Variants in PDS5B observed in about 807,000 individuals in gnomAD.
PDS5B encodes the protein PDS5 cohesin associated factor B, also known as sister chromatid cohesion protein PDS5 homolog B.
A neutral mutation model predicts 184.1 loss-of-function variants in PDS5B; 51 were observed. That is an observed-to-expected ratio of 0.28 (90% CI 0.22 to 0.35). PDS5B has a LOEUF of 0.35. PDS5B is among the 10% of genes least tolerant of loss of function. The pLI is 1.00. For missense variants in PDS5B, 1,180 were observed against 1,723.3 expected, an observed-to-expected ratio of 0.68 and a Z score of 5.58; for synonymous variants, 566 against 569.2, an observed-to-expected ratio of 0.99 and a Z score of 0.08.
intron 5 of PDS5B, 90 bp from the exon 6 acceptor site, chr13:32,659,064 T>C: frequency 1.2e-6 from 1 of 842,066 alleles, no homozygotes; most frequent in Non-Finnish European, 1.7e-6. Context: ...AGTATTATTT[T>C]TGTAAAGCAT....
chr13:32,711,290 G>A (rs971135275), intron 19 of PDS5B, among the ~76,000 whole-genome samples: 4 of 149,014 alleles, frequency 2.7e-5, no homozygotes, highest in African/African-American at 7.4e-5. Context: ...GTGCCTGGCC[G>A]GCAATTATTT....
intron 18 of PDS5B, among the ~76,000 whole-genome samples, chr13:32,709,469 A>G (rs532234131): frequency 6.6e-6 from 1 of 152,074 alleles, no homozygotes; most frequent in African/African-American, 2.4e-5. Context: ...TTTCTGTTTC[A>G]TGATTATTCT....
intron 1 of PDS5B, among the ~76,000 whole-genome samples, chr13:32,607,206 G>C (rs2058073247): frequency 6.6e-6 from 1 of 152,136 alleles, no homozygotes; most frequent in Non-Finnish European, 1.5e-5. Flanking sequence ...TCTACCTTTG[G>C]TCTTTGATGA....
intron 31 of PDS5B, among the ~76,000 whole-genome samples, chr13:32,768,707 C>A (rs1156287779): frequency 6.7e-6 from 1 of 149,632 alleles, no homozygotes; most frequent in South Asian, 2.1e-4. Context: ...GCAAGAGAAT[C>A]GCTTGAACCC....
intron 8 of PDS5B, among the ~76,000 whole-genome samples, chr13:32,674,030 A>C (rs931986782): frequency 1.3e-5 from 2 of 151,734 alleles, no homozygotes; most frequent in African/African-American, 4.8e-5. Context: ...GGCCAGGCTG[A>C]TTTCAAACTC....
At chr13:32,694,840 C>G (rs1593445746) in intron 14 of PDS5B, among the ~76,000 whole-genome samples, 1 of 131,624 alleles carries the variant, frequency 7.6e-6, no homozygotes, top group Non-Finnish European at 1.7e-5. Flanking sequence ...TAGAATGATT[C>G]TAGGGTTTTT....
chr13:32,636,018 C>T (rs529456781), intron 1 of PDS5B, among the ~76,000 whole-genome samples: 9 of 152,064 alleles, frequency 5.9e-5, no homozygotes, highest in Non-Finnish European at 1.2e-4. Context: ...ATCTGCCTCC[C>T]TCGGCCTCCC....
intron 1 of PDS5B, among the ~76,000 whole-genome samples, chr13:32,632,352 A>G (rs927290402): frequency 6.6e-6 from 1 of 152,236 alleles, no homozygotes; most frequent in African/African-American, 2.4e-5. Context: ...AAAGTGAGCA[A>G]TGATCTTGAA....
intron 1 of PDS5B, among the ~76,000 whole-genome samples, chr13:32,607,150 T>C (rs148068034): frequency 6.6e-6 from 1 of 152,212 alleles, no homozygotes; most frequent in African/African-American, 2.4e-5. Context: ...AGTTTTAGAA[T>C]TTTTCAGCTT....
intron 1 of PDS5B, among the ~76,000 whole-genome samples, chr13:32,623,633 G>A (rs978795383): frequency 6.6e-6 from 1 of 151,798 alleles, no homozygotes; most frequent in Non-Finnish European, 1.5e-5. Context: ...CGCAAGGCAG[G>A]TTTCATACCC....
At chr13:32,713,969 A>G (rs1370317857) in intron 19 of PDS5B, among the ~76,000 whole-genome samples, 1 of 152,152 alleles carries the variant, frequency 6.6e-6, no homozygotes, top group Non-Finnish European at 1.5e-5. Flanking sequence ...AAATAAAGGG[A>G]CAGAGTACAA....
At chr13:32,634,583 C>CA (rs772437800) in intron 1 of PDS5B, among the ~76,000 whole-genome samples, 1 of 138,552 alleles carries the variant, frequency 7.2e-6, no homozygotes, top group African/African-American at 2.7e-5. Context: ...TTACATTTAA[C>CA]TTTTTTTTTT....
intron 6 of PDS5B, among the ~76,000 whole-genome samples, chr13:32,660,420 A>T (rs1039054408): frequency 6.6e-6 from 1 of 152,232 alleles, no homozygotes; most frequent in Non-Finnish European, 1.5e-5. Flanking sequence ...CTGTGTGCTC[A>T]GGTGAGAAGG....
At chr13:32,752,305 A>G (rs1954013337) in intron 24 of PDS5B, among the ~76,000 whole-genome samples, 2 of 152,184 alleles carry the variant, frequency 1.3e-5, no homozygotes, top group Non-Finnish European at 1.5e-5. Flanking sequence ...ATAGGTATCT[A>G]TATATAGAAA....
intron 19 of PDS5B, among the ~76,000 whole-genome samples, chr13:32,723,119 A>G (rs970348147): frequency 2.0e-5 from 3 of 152,248 alleles, no homozygotes; most frequent in South Asian, 2.1e-4. Context: ...GCCATACACT[A>G]TACATACACT....
At chr13:32,616,593 C>G (rs958564561) in intron 1 of PDS5B, among the ~76,000 whole-genome samples, 2 of 151,976 alleles carry the variant, frequency 1.3e-5, no homozygotes, top group Non-Finnish European at 2.9e-5. Context: ...AAAATGTAGC[C>G]CGAGTTGCCA....
intron 18 of PDS5B, among the ~76,000 whole-genome samples, chr13:32,708,901 A>T (rs536549793): frequency 7.2e-5 from 11 of 152,162 alleles, no homozygotes; most frequent in Non-Finnish European, 1.6e-4. Context: ...TGTAGTAACC[A>T]AGTGAATACA....
At chr13:32,622,038 G>C (rs1242553748) in intron 1 of PDS5B, among the ~76,000 whole-genome samples, 1 of 150,842 alleles carries the variant, frequency 6.6e-6, no homozygotes, top group African/African-American at 2.4e-5. Flanking sequence ...TTCTTGATCA[G>C]CGTCACCAGA....
intron 14 of PDS5B, 56 bp from the exon 15 acceptor site, chr13:32,696,795 TATG>T: frequency 8.4e-7 from 1 of 1,187,824 alleles, no homozygotes; most frequent in South Asian, 1.3e-5. Flanking sequence ...TTTTGCAGAG[TATG>T]ATGAAGTTTT....
Sources: gnomAD v4.1 joint callset for allele counts (sites outside exome capture counted in the v4.1 genomes callset) on GRCh38, gnomAD v4.1.1 for gene constraint, MANE v1.5 for transcripts, NCBI Gene and HGNC (gene_info 2026-07-23, HGNC 2026-07-21) for gene names.